The following NOX4 variants were observed in gnomAD, a reference collection of about 807,000 sequenced individuals.
NOX4 encodes NADPH oxidase 4.
NOX4 carries 69 observed loss-of-function variants against 87.6 expected under a neutral mutation model. The observed-to-expected ratio is 0.79, with a 90% CI of 0.65 to 0.96. The LOEUF is 0.96. Ranked by LOEUF, NOX4 falls within the 40% of genes least tolerant of loss-of-function variation. NOX4 has a pLI of 0.00. For synonymous variants in NOX4, 275 were observed against 238.2 expected, an observed-to-expected ratio of 1.15 and a Z score of -1.42; for missense variants, 680 against 681.5, an observed-to-expected ratio of 1.00 and a Z score of 0.02.
chr11:89,493,272 C>G (rs144367743), upstream of NOX4, among the ~76,000 whole-genome samples: 11,888 of 152,058 alleles, frequency 0.078, 591 homozygotes, highest in Non-Finnish European at 0.12. Flanking sequence ...GTAGTCCCAG[C>G]TATTCAGGAG....
At chr11:89,430,116 C>G (rs1354814410) in intron 7 of NOX4, among the ~76,000 whole-genome samples, 1 of 152,126 alleles carries the variant, frequency 6.6e-6, no homozygotes, top group Non-Finnish European at 1.5e-5. Flanking sequence ...ATGATTATCT[C>G]CATAGATGCA....
chr11:89,550,643 G>A, the NOX4 span, among the ~76,000 whole-genome samples: 2 of 151,882 alleles, frequency 1.3e-5, no homozygotes, highest in Non-Finnish European at 2.9e-5. Flanking sequence ...TGATGGGGTT[G>A]TTTTTTTCTT....
rs537899427 is a variant in NOX4, at chr11:89,393,717, A to G, written c.1074+6300T>C. 6.4e-4 allele frequency among the ~76,000 whole-genome samples: 98 copies of G among 152,240 alleles called. 1 individual carries two copies. The highest frequency in any genetic ancestry group is 2.2e-3 in the African/African-American group (90 of 41,556). On this transcript the variant is annotated intron_variant, in intron 11 of 17. Transcript: ENST00000263317. ...ATTATTTTATAAACTAATATTGACA[A>G]TATCAAAGATGCCCTTCCAGGTAAG...
chr11:89,583,183 CAA>C, the NOX4 span, among the ~76,000 whole-genome samples: 1 of 151,708 alleles, frequency 6.6e-6, no homozygotes, highest in Non-Finnish European at 1.5e-5. Context: ...ATTACTTTTA[CAA>C]ATATGATAAG....
chr11:89,483,085 T>C (rs1439061795), intron 2 of NOX4, among the ~76,000 whole-genome samples: 1 of 152,116 alleles, frequency 6.6e-6, no homozygotes, highest in Admixed American at 6.6e-5. Flanking sequence ...TCTAAGCTTC[T>C]TAATTCTGTA....
At chr11:89,438,388 T>C (rs1233058913) in intron 6 of NOX4, among the ~76,000 whole-genome samples, 2 of 113,606 alleles carry the variant, frequency 1.8e-5, no homozygotes, top group Admixed American at 2.5e-4. Context: ...ATATAATATA[T>C]AATTATAATA....
At chr11:89,443,466 A>G (rs1944546186) in intron 5 of NOX4, 1 of 152,260 alleles carries the variant, frequency 6.6e-6, no homozygotes, top group Non-Finnish European at 1.5e-5. Context: ...TGGCATTGTG[A>G]AGCAAAGGCA....
chr11:89,408,706 G>T (rs1216535104), intron 8 of NOX4, among the ~76,000 whole-genome samples: 3 of 152,168 alleles, frequency 2.0e-5, no homozygotes, highest in Non-Finnish European at 4.4e-5. Context: ...TACTGGTGGG[G>T]TGGTCCAAGC....
At chr11:89,535,525 T>A in the NOX4 span, among the ~76,000 whole-genome samples, 91 of 152,320 alleles carry the variant, frequency 6.0e-4, no homozygotes, top group Admixed American at 1.2e-3. Context: ...GTAGCAAAAC[T>A]CTGCATCATG....
At chr11:89,358,386 C>CAAAAAAAAAAAAAAAAAAAA (rs10558391) in intron 12 of NOX4, among the ~76,000 whole-genome samples, 27 of 78,158 alleles carry the variant, frequency 3.5e-4, no homozygotes, top group Non-Finnish European at 4.7e-4. Flanking sequence ...AACTTAATCT[C>CAAAAAAAAAAAAAAAAAAAA]AAAAAAAAAA....
At chr11:89,516,362 C>A in the NOX4 span, among the ~76,000 whole-genome samples, 1 of 152,070 alleles carries the variant, frequency 6.6e-6, no homozygotes, top group Non-Finnish European at 1.5e-5. Flanking sequence ...ATATGCTTCA[C>A]AAGCCCTAAT....
At chr11:89,372,485 T>C (rs1052697981) in intron 12 of NOX4, among the ~76,000 whole-genome samples, 2 of 152,018 alleles carry the variant, frequency 1.3e-5, no homozygotes, top group African/African-American at 2.4e-5. Flanking sequence ...TAAAGACTGA[T>C]TGGATTCATC....
the NOX4 span, among the ~76,000 whole-genome samples, chr11:89,587,052 T>C: frequency 6.6e-6 from 1 of 152,096 alleles, no homozygotes; most frequent in Admixed American, 6.6e-5. Flanking sequence ...GCTCCCAAGA[T>C]GATAAAAAAG....
chr11:89,338,120 A>T (rs1177057829), intron 15 of NOX4, among the ~76,000 whole-genome samples: 2 of 152,034 alleles, frequency 1.3e-5, no homozygotes, highest in African/African-American at 4.8e-5. Flanking sequence ...TGGCAACCTG[A>T]GAGGATTTTA....
intron 9 of NOX4, among the ~76,000 whole-genome samples, chr11:89,401,268 A>G (rs144284830): frequency 2.0e-5 from 3 of 152,178 alleles, no homozygotes; most frequent in Admixed American, 6.6e-5. Flanking sequence ...AAGGTCTGCA[A>G]TGTAGCAGCC....
At chr11:89,385,731 C>T (rs766130001) in intron 11 of NOX4, among the ~76,000 whole-genome samples, 2 of 152,112 alleles carry the variant, frequency 1.3e-5, no homozygotes, top group Non-Finnish European at 2.9e-5. Context: ...GAGAATTTGC[C>T]CCTGACCAGG....
chr11:89,506,293 A>AAGAAAGAAAG, the NOX4 span, among the ~76,000 whole-genome samples: 3 of 55,664 alleles, frequency 5.4e-5, no homozygotes, highest in African/African-American at 1.2e-4. Context: ...GGAAGAAAGA[A>AAGAAAGAAAG]AGAAAGAAAG....
At chr11:89,333,243 A>T (rs1945551173) in intron 17 of NOX4, among the ~76,000 whole-genome samples, 1 of 151,884 alleles carries the variant, frequency 6.6e-6, no homozygotes, top group Non-Finnish European at 1.5e-5. Context: ...GCACATCATT[A>T]AAAAGTTAGC....
At chr11:89,537,189 T>C in the NOX4 span, among the ~76,000 whole-genome samples, 6 of 152,274 alleles carry the variant, frequency 3.9e-5, no homozygotes, top group South Asian at 1.0e-3. Context: ...GGAAGTAAAA[T>C]GTCAGCCAAC....
Sources: gnomAD v4.1 joint callset for allele counts (sites outside exome capture counted in the v4.1 genomes callset) on GRCh38, gnomAD v4.1.1 for gene constraint, MANE v1.5 for transcripts, NCBI Gene and HGNC (gene_info 2026-07-23, HGNC 2026-07-21) for gene names.